Variants in CACNA1A observed in about 807,000 individuals in gnomAD.
The protein encoded by CACNA1A is calcium voltage-gated channel subunit alpha1 A, also known as voltage-dependent P/Q-type calcium channel subunit alpha-1A.
CACNA1A carries 57 observed loss-of-function variants against 262.4 expected under a neutral mutation model. That is an observed-to-expected ratio of 0.22 (90% CI 0.18 to 0.27). The LOEUF (loss-of-function observed/expected upper bound fraction) is 0.27, where lower values mean the gene tolerates loss of function less well. Among genes scored for constraint, CACNA1A ranks in the 10% least tolerant of loss-of-function variants. The pLI, the probability that CACNA1A is intolerant of heterozygous loss-of-function variation, is 1.00. For synonymous variants in CACNA1A, 1,431 were observed against 1,419.3 expected, an observed-to-expected ratio of 1.01 and a Z score of -0.18; for missense variants, 2,526 against 3,562.8, an observed-to-expected ratio of 0.71 and a Z score of 7.41.
chr19:13,306,400 A>G (rs544975208), intron 15 of CACNA1A, among the ~76,000 whole-genome samples: 1 of 152,158 alleles, frequency 6.6e-6, no homozygotes, highest in East Asian at 1.9e-4. Context: ...TTTAAGAGAC[A>G]GGGCCTTGCT....
intron 6 of CACNA1A, among the ~76,000 whole-genome samples, chr19:13,337,433 C>T (rs532177063): frequency 6.6e-6 from 1 of 152,222 alleles, no homozygotes; most frequent in Non-Finnish European, 1.5e-5. Flanking sequence ...TGTCTCTGTG[C>T]CAAAATCTCC....
intron 1 of CACNA1A, among the ~76,000 whole-genome samples, chr19:13,477,127 CAT>C (rs1408021345): frequency 2.0e-5 from 3 of 152,220 alleles, no homozygotes; most frequent in East Asian, 1.9e-4. Context: ...CACTGTCACA[CAT>C]GTCACATATA....
At chr19:13,323,578 T>C (rs564407248) in intron 10 of CACNA1A, among the ~76,000 whole-genome samples, 27 of 152,292 alleles carry the variant, frequency 1.8e-4, no homozygotes, top group African/African-American at 6.3e-4. Context: ...CGTCACATCT[T>C]AGCCTCCCGA....
At chr19:13,407,669 A>G (rs2060035850) in intron 3 of CACNA1A, among the ~76,000 whole-genome samples, 1 of 152,180 alleles carries the variant, frequency 6.6e-6, no homozygotes, top group African/African-American at 2.4e-5. Context: ...GAGTCTTCCA[A>G]TTGTTATGCT....
chr19:13,413,915 G>GAAAAGA lies in CACNA1A; in HGVS notation c.539+38960_539+38961insTCTTTT, dbSNP rs749911202. 8.3e-5 allele frequency among the ~76,000 whole-genome samples: 8 copies of GAAAAGA among 95,928 alleles called. No individual in the cohort carries two copies. In the East Asian group the frequency reaches 8.5e-4, roughly 10 times the overall value. The allele number at this position is 95,928 out of a possible 152,430, so 62.9% of individuals were successfully genotyped here. A position where few individuals can be genotyped will look rare whatever the true frequency, so the allele number is the denominator to read the frequency against. ...AAAGAAAAAGAAAGAAAGAAAGAAA[G>GAAAAGA]AAAGAAAGAAAGAAAGAAAGAAAGA... On this transcript the variant is annotated intron_variant, in intron 3 of 46. Transcript: ENST00000360228.
chr19:13,452,691 G>A (rs1379793275), intron 3 of CACNA1A, 185 bp downstream of exon 3: 1 of 540,086 alleles, frequency 1.9e-6, no homozygotes. Flanking sequence ...GTAACAGAAA[G>A]CATCTGCTGT....
At chr19:13,372,111 T>G (rs1444081013) in intron 3 of CACNA1A, among the ~76,000 whole-genome samples, 1 of 152,158 alleles carries the variant, frequency 6.6e-6, no homozygotes, top group African/African-American at 2.4e-5. Flanking sequence ...TGGGGTGGCC[T>G]GGGGCCCTGG....
At chr19:13,365,537 G>A (rs2059194111) in intron 4 of CACNA1A, 68 bp from the exon 5 acceptor site, 16 of 1,420,782 alleles carry the variant, frequency 1.1e-5, no homozygotes, top group Non-Finnish European at 1.5e-5. Flanking sequence ...CCACCAAGAC[G>A]CCCAGGTCTC....
chr19:13,472,522 T>C (rs1978287463), intron 1 of CACNA1A, among the ~76,000 whole-genome samples: 1 of 152,148 alleles, frequency 6.6e-6, no homozygotes, highest in South Asian at 2.1e-4. Flanking sequence ...TGAGTCCCTT[T>C]GCTCATCAGA....
chr19:13,237,907 CAGGCATGCGA>C (rs2055931680), intron 31 of CACNA1A, among the ~76,000 whole-genome samples: 1 of 152,204 alleles, frequency 6.6e-6, no homozygotes, highest in Non-Finnish European at 1.5e-5. Context: ...TGGACTCGGC[CAGGCATGCGA>C]AGGCAGGCGG....
chr19:13,372,627 C>G (rs373134576), intron 3 of CACNA1A, among the ~76,000 whole-genome samples: 65 of 152,304 alleles, frequency 4.3e-4, no homozygotes, highest in African/African-American at 1.6e-3. Flanking sequence ...TTTGTATAAC[C>G]TGGATAACAA....
chr19:13,308,300 GC>G lies in CACNA1A; in HGVS notation c.1782-50del. 1.3e-6 allele frequency: 2 copies of G among 1,588,346 alleles called. No individual in the cohort carries two copies. The highest frequency in any genetic ancestry group is 1.7e-6 in the Non-Finnish European group (2 of 1,165,044). On this transcript the variant is annotated intron_variant, in intron 13 of 46. Coordinates refer to ENST00000360228, the MANE Select transcript of CACNA1A (RefSeq NM_001127222.2). This position sits in a 1 kb window ranked among gnomAD's most constrained non-coding sequence, Gnocchi z 4.2. ...ACTCAGGCCAGGCGGGGGAGGCAGGGCCCCGGAGTCAGCCCTCGAAACACGA... is the reference window on the plus strand; with the variant it reads ...ACTCAGGCCAGGCGGGGGAGGCAGGGCCCGGAGTCAGCCCTCGAAACACGA...
intron 3 of CACNA1A, among the ~76,000 whole-genome samples, chr19:13,447,298 G>C (rs2060833728): frequency 6.6e-6 from 1 of 152,210 alleles, no homozygotes; most frequent in African/African-American, 2.4e-5. Flanking sequence ...TGTTCTAGAT[G>C]AAGTATTTCT....
intron 24 of CACNA1A, among the ~76,000 whole-genome samples, chr19:13,270,141 C>T (rs1421265595): frequency 6.6e-6 from 1 of 152,088 alleles, no homozygotes; most frequent in Non-Finnish European, 1.5e-5. Context: ...TGAACCCAAC[C>T]TCAGTGATCT....
chr19:13,208,652 A>G, intron 46 of CACNA1A, 104 bp downstream of exon 46: 9 of 1,369,532 alleles, frequency 6.6e-6, no homozygotes, highest in Non-Finnish European at 8.7e-6. Context: ...CACAGCCGGG[A>G]TCCGGGGACC....
chr19:13,464,610 GCT>G (rs1422113702), intron 1 of CACNA1A, among the ~76,000 whole-genome samples: 7 of 145,078 alleles, frequency 4.8e-5, no homozygotes, highest in South Asian at 4.3e-4. Flanking sequence ...CTGCAGTGGT[GCT>G]ATCTCGGCTC....
intron 1 of CACNA1A, among the ~76,000 whole-genome samples, chr19:13,485,032 C>T (rs1179089264): frequency 1.3e-5 from 2 of 152,182 alleles, no homozygotes; most frequent in African/African-American, 4.8e-5. Context: ...GTGCCTGGCA[C>T]ACAGTTGGCA....
intron 36 of CACNA1A, chr19:13,228,560 A>G (rs1315461934): frequency 4.6e-5 from 11 of 239,404 alleles, no homozygotes; most frequent in Non-Finnish European, 1.6e-5. Flanking sequence ...TTTCTAGTTT[A>G]ATGCAAGAAA....
At chr19:13,303,093 A>G (rs1457627467) in intron 17 of CACNA1A, among the ~76,000 whole-genome samples, 1 of 151,952 alleles carries the variant, frequency 6.6e-6, no homozygotes, top group Admixed American at 6.6e-5. Context: ...GGGGACATTT[A>G]TTGGCCACTC....
Sources: gnomAD v4.1 joint callset for allele counts (sites outside exome capture counted in the v4.1 genomes callset) on GRCh38, gnomAD v4.1.1 for gene constraint, Gnocchi (gnomAD v3.1) non-coding constraint, MANE v1.5 for transcripts, NCBI Gene and HGNC (gene_info 2026-07-23, HGNC 2026-07-21) for gene names.